Variants in PI4KA observed in about 807,000 individuals in gnomAD.
PI4KA encodes the protein PI4-kinase alpha.
Under a neutral mutation model 271.4 loss-of-function variants are expected in PI4KA, and 122 were observed. That is an observed-to-expected ratio of 0.45 (90% CI 0.39 to 0.52). The LOEUF (loss-of-function observed/expected upper bound fraction) is 0.52. Ranked by LOEUF, PI4KA falls within the 20% of genes least tolerant of loss-of-function variation. The pLI, the probability that PI4KA is intolerant of heterozygous loss-of-function variation, is 0.00. For synonymous variants in PI4KA, 1,041 were observed against 1,078.8 expected (o/e 0.96, Z 0.69); for missense variants, 1,969 against 2,769.1 (o/e 0.71, Z 6.48).
chr22:20,765,478 T>C lies in PI4KA; in HGVS notation c.2437+107A>G, dbSNP rs755678541. 177 of 810,010 alleles carry C rather than the reference T, an allele frequency of 2.2e-4. 1 individual carries two copies. Among genetic ancestry groups the C allele is most frequent in the Non-Finnish European group, 2.8e-4 (133 of 478,802 alleles). 50.2% of individuals were successfully genotyped at this position (810,010 alleles called of 1,614,324 possible). The stretch of plus-strand genomic sequence containing the variant: ...ATACTTGCAGAAAGAAGCAGCTGCA[T>C]GTGGACTCATTTAAACATGCTCACA... On this transcript the variant is annotated intron_variant, in intron 20 of 54. Transcript: ENST00000255882.
chr22:20,836,910 C>T (rs1924932183), intron 2 of PI4KA, among the ~76,000 whole-genome samples: 1 of 152,184 alleles, frequency 6.6e-6, no homozygotes, highest in African/African-American at 2.4e-5. Context: ...ACTTTCAGGA[C>T]TTACAGGTAA....
In PI4KA at chr22:20,804,400, C is replaced by A; in HGVS notation, c.1361G>T (p.Gly454Val). ...TAGCTTGATGCAAAGGTTTTCTGCACCTTAATTCAAAACCAGAAGAGGAGA... is the reference window on the plus strand; with the variant it reads ...TAGCTTGATGCAAAGGTTTTCTGCAACTTAATTCAAAACCAGAAGAGGAGA... ...LMVWAVKDEQ[G>V]AENLCIKLSE... is the part of the protein sequence containing the mutation. Residue 454 changes from glycine (G) to valine (V), a missense_variant and splice_region_variant, in exon 12 of 55, where the codon GGT becomes GTT. By Grantham distance (109) the Gly-to-Val change is moderately radical. Coordinates refer to ENST00000255882, the MANE Select transcript of PI4KA (RefSeq NM_058004.4). 6.2e-7 allele frequency: 1 copy of A among 1,610,614 alleles called. No individual in the cohort carries two copies. The highest frequency in any genetic ancestry group is 1.1e-5 in the South Asian group (1 of 91,000).
chr22:20,848,103 T>C (rs1242630385), intron 1 of PI4KA, among the ~76,000 whole-genome samples: 1 of 151,962 alleles, frequency 6.6e-6, no homozygotes, highest in Non-Finnish European at 1.5e-5. Flanking sequence ...CCGGGCATGG[T>C]TGTGCACACC....
rs767593661 is a variant in PI4KA at position 20,742,804 on chromosome 22, A to G, written c.3457-40T>C. The G allele has an allele frequency of 3.1e-6, 5 of 1,605,392 alleles. No individual in the cohort carries two copies. The Admixed American group carries it at 8.3e-5, about 27-fold the overall frequency. On this transcript the variant is annotated intron_variant, in intron 30 of 54. Transcript: ENST00000255882. ...TCATCAGCAACTAAGCATATAATCC[A>G]GGCAATGTGGGTAAGGTTCTGGAAG...
Position 20,712,448 on chromosome 22 carries a change from A to G in PI4KA, c.5802+38T>C, listed in dbSNP as rs747357987. 6.9e-6 allele frequency: 11 copies of G among 1,602,968 alleles called. No individual in the cohort carries two copies. The African/African-American group carries it at 1.3e-4, about 19-fold the overall frequency. On this transcript the variant is annotated intron_variant, in intron 50 of 54. Coordinates refer to ENST00000255882, the MANE Select transcript of PI4KA (RefSeq NM_058004.4). ...ATGGGTGGCTGGGGTGGGGTGGAGC[A>G]CACACGACCTCCCCCGGCCTGTGGC...
At chr22:20,854,034 T>C (rs1003213449) in intron 1 of PI4KA, among the ~76,000 whole-genome samples, 1 of 151,700 alleles carries the variant, frequency 6.6e-6, no homozygotes, top group Non-Finnish European at 1.5e-5. Context: ...GCTGTTCACC[T>C]GAGCAATCAA....
At position 20,751,269 on chromosome 22, in the gene PI4KA, T is replaced by A. The variant is rs754055231; in HGVS notation, c.3153+24A>T. 3.2e-6 allele frequency: 5 copies of A among 1,587,040 alleles called. No individual in the cohort carries two copies. In the Admixed American group the frequency reaches 8.4e-5, roughly 27 times the overall value. ...GAATTGTGGTAAAGATGGCCCTTAG[T>A]GCAGGGGATCGTGTCGGGCCTACCT... On this transcript the variant is annotated intron_variant, in intron 27 of 54. Coordinates refer to ENST00000255882, the MANE Select transcript of PI4KA (RefSeq NM_058004.4).
rs377440929 is a variant in PI4KA, at chr22:20,734,485, C to G, written c.3810G>C (p.Glu1270Asp). ...VEQKFGLFSA[E>D]IKEADPLAAS... is the part of the protein sequence containing the mutation. Reference sequence around the variant, plus strand: ...CAGCCAGGGGGTCTGCTTCCTTTATCTCAGCAGAAAACAGGCCAAATTTCT... The same window carrying G: ...CAGCCAGGGGGTCTGCTTCCTTTATGTCAGCAGAAAACAGGCCAAATTTCT... Residue 1270 changes from glutamate (E) to aspartate (D), a missense_variant, in exon 33 of 55, where the codon GAG (glutamate) becomes GAC (aspartate). Glu to Asp is a conservative substitution (Grantham distance 45). Transcript: ENST00000255882. The G allele has an allele frequency of 4.3e-6, 7 of 1,613,710 alleles. No homozygotes were observed. The highest frequency in any genetic ancestry group is 5.9e-6 in the Non-Finnish European group (7 of 1,179,844).
chr22:20,777,631 C>T (rs892439527), intron 19 of PI4KA, among the ~76,000 whole-genome samples: 1 of 152,168 alleles, frequency 6.6e-6, no homozygotes, highest in African/African-American at 2.4e-5. Context: ...GGATTATAGG[C>T]GTAAGCCACA....
Position 20,807,363 on chromosome 22 carries a change from C to T in PI4KA, c.1167G>A (p.Lys389=). 4 of 1,595,404 alleles carry T rather than the reference C, an allele frequency of 2.5e-6. No homozygotes were observed. Among genetic ancestry groups the T allele is most frequent in the Non-Finnish European group, 3.4e-6 (4 of 1,162,902 alleles). Residue 389 remains lysine (K), a splice_region_variant and synonymous_variant, in exon 10 of 55, where the codon AAG becomes AAA. Transcript: ENST00000255882. ...KMLRDTLYYM[K]DLPTSFVKEI... is the part of the protein sequence containing the mutation. ...AACACATGGGCAAACTGTCCTCACC[C>T]TTCATGTAGTACAGAGTGTCACGCA...
intron 9 of PI4KA, among the ~76,000 whole-genome samples, chr22:20,810,095 C>T (rs1363553379): frequency 6.6e-6 from 1 of 152,184 alleles, no homozygotes; most frequent in African/African-American, 2.4e-5. Context: ...AACCTGTCTG[C>T]ATCCTAACCC....
At chr22:20,814,755 A>G (rs528769366) in intron 7 of PI4KA, among the ~76,000 whole-genome samples, 1 of 152,200 alleles carries the variant, frequency 6.6e-6, no homozygotes, top group East Asian at 1.9e-4. Flanking sequence ...TATTAAAAAA[A>G]AAAAATGACA....
At chr22:20,779,700 A>G (rs1444482430) in intron 19 of PI4KA, 3 of 1,614,064 alleles carry the variant, frequency 1.9e-6, no homozygotes, top group Non-Finnish European at 2.5e-6. Flanking sequence ...TAACATCCTC[A>G]ACGCCAAGTT....
intron 22 of PI4KA, among the ~76,000 whole-genome samples, chr22:20,763,845 G>A (rs1041330298): frequency 6.6e-6 from 1 of 152,192 alleles, no homozygotes; most frequent in Non-Finnish European, 1.5e-5. Context: ...GCTGTGTGTG[G>A]AGCCCCGGGC....
intron 21 of PI4KA, 50 bp from the exon 22 acceptor site, chr22:20,765,000 A>G (rs780153354): frequency 1.9e-6 from 3 of 1,585,120 alleles, no homozygotes; most frequent in Non-Finnish European, 1.7e-6. Flanking sequence ...CCCAGGACAA[A>G]CAGGTCCCAG....
At chr22:20,817,749 A>AT (rs1922020175) in intron 7 of PI4KA, among the ~76,000 whole-genome samples, 4 of 136,322 alleles carry the variant, frequency 2.9e-5, no homozygotes, top group Non-Finnish European at 6.4e-5. Flanking sequence ...AAAAAAAAAA[A>AT]AAAAAAAAAA....
intron 19 of PI4KA, chr22:20,784,072 G>T (rs777742664): frequency 6.2e-7 from 1 of 1,614,150 alleles, no homozygotes; most frequent in Admixed American, 1.7e-5. Flanking sequence ...AGACCAAGGG[G>T]AACTTCCTCG....
At chr22:20,828,536 C>G (rs948505906) in intron 3 of PI4KA, among the ~76,000 whole-genome samples, 1 of 151,934 alleles carries the variant, frequency 6.6e-6, no homozygotes, top group Non-Finnish European at 1.5e-5. Flanking sequence ...TCCTTCAATG[C>G]CTAGAGTTTG....
chr22:20,790,699 AAC>A (rs362174), intron 19 of PI4KA, among the ~76,000 whole-genome samples: 34,093 of 139,036 alleles, frequency 0.25, 3,949 homozygotes, highest in Non-Finnish European at 0.28. Flanking sequence ...AAAAAAAACA[AAC>A]ACACACACAC....
Sources: gnomAD v4.1 joint callset for allele counts (sites outside exome capture counted in the v4.1 genomes callset) on GRCh38, gnomAD v4.1.1 for gene constraint, MANE v1.5 for transcripts, NCBI Gene and HGNC (gene_info 2026-07-23, HGNC 2026-07-21) for gene names.